GPC6: variants seen among roughly 807,000 people sequenced by gnomAD.
GPC6 encodes glypican 6.
A neutral mutation model predicts 55.2 loss-of-function variants in GPC6; 14 were observed. The ratio of observed to expected loss-of-function variants is 0.25; its 90% confidence interval spans 0.17 to 0.40. The LOEUF is 0.40. Ranked by LOEUF, GPC6 falls within the 10% of genes least tolerant of loss-of-function variation. The pLI, the probability that GPC6 is intolerant of heterozygous loss-of-function variation, is 1.00. For missense variants in GPC6, 641 were observed against 708.5 expected (o/e 0.90, Z 1.08); for synonymous variants, 278 against 259.6 (o/e 1.07, Z -0.68).
chr13:93,720,984 A>G (rs1883436711), intron 2 of GPC6, among the ~76,000 whole-genome samples: 1 of 151,944 alleles, frequency 6.6e-6, no homozygotes, highest in Admixed American at 6.6e-5. Flanking sequence ...ACTTCCAATT[A>G]TGTGGTCAAT....
At chr13:94,396,157 G>A (rs561938194) in intron 7 of GPC6, among the ~76,000 whole-genome samples, 2 of 152,264 alleles carry the variant, frequency 1.3e-5, no homozygotes, top group Non-Finnish European at 2.9e-5. Context: ...GCCCCAGGGC[G>A]CTTCACCTCT....
chr13:93,393,174 T>C (rs1875710830), intron 1 of GPC6, among the ~76,000 whole-genome samples: 1 of 149,278 alleles, frequency 6.7e-6, no homozygotes, highest in Non-Finnish European at 1.5e-5. Context: ...AGTCTCTCAC[T>C]GTCGTCTGGG....
intron 2 of GPC6, among the ~76,000 whole-genome samples, chr13:93,556,626 G>T (rs949385454): frequency 1.3e-5 from 2 of 151,636 alleles, no homozygotes; most frequent in Non-Finnish European, 2.9e-5. Context: ...CAAATAATAG[G>T]TTTTATTTAT....
rs140348562 is a variant in GPC6, at chr13:93,756,091, C to A, written c.320-74063C>A. On this transcript the variant is annotated intron_variant, in intron 2 of 8. Coordinates refer to ENST00000377047, the MANE Select transcript of GPC6 (RefSeq NM_005708.5). ...CTATCTCTATTTCTTTTTTCATTCC[C>A]AGTAAGTTTTAAAGAGGGTAAACTG... 4.4e-3 allele frequency among the ~76,000 whole-genome samples: 672 copies of A among 152,118 alleles called. 7 individuals are homozygous for A. Among genetic ancestry groups the A allele is most frequent in the African/African-American group, 0.015 (627 of 41,504 alleles).
At chr13:94,326,514 G>C (rs1025214492) in intron 6 of GPC6, among the ~76,000 whole-genome samples, 5 of 152,070 alleles carry the variant, frequency 3.3e-5, no homozygotes, top group African/African-American at 9.7e-5. Flanking sequence ...AAACAGGATG[G>C]ATCCTCTTTT....
At chr13:93,437,992 A>G (rs1335315349) in intron 1 of GPC6, among the ~76,000 whole-genome samples, 1 of 152,196 alleles carries the variant, frequency 6.6e-6, no homozygotes, top group Non-Finnish European at 1.5e-5. Context: ...TCCTAGGGCC[A>G]TTAAGAATTA....
intron 1 of GPC6, among the ~76,000 whole-genome samples, chr13:93,393,121 T>G (rs866138556): frequency 1.8e-4 from 14 of 79,918 alleles, no homozygotes; most frequent in African/African-American, 4.1e-4. Flanking sequence ...TATATATATA[T>G]ATATATAGAG....
At chr13:93,315,408 T>TAAA (rs1432456354) in intron 1 of GPC6, among the ~76,000 whole-genome samples, 5 of 151,994 alleles carry the variant, frequency 3.3e-5, no homozygotes, top group African/African-American at 1.2e-4. Context: ...AAATACTCTT[T>TAAA]AATCATCCCA....
chr13:94,148,788 A>G (rs1887643019), intron 4 of GPC6, among the ~76,000 whole-genome samples: 1 of 152,178 alleles, frequency 6.6e-6, no homozygotes, highest in Middle Eastern at 3.2e-3. Flanking sequence ...ACAAGTTGTC[A>G]ATGAGATTAG....
intron 1 of GPC6, among the ~76,000 whole-genome samples, chr13:93,277,047 A>G (rs2139062138): frequency 6.6e-6 from 1 of 152,284 alleles, no homozygotes; most frequent in Non-Finnish European, 1.5e-5. Context: ...CTTTGGGAGA[A>G]AGGGAACCCC....
chr13:94,270,655 T>G (rs1891962659), intron 4 of GPC6, among the ~76,000 whole-genome samples: 1 of 152,230 alleles, frequency 6.6e-6, no homozygotes, highest in Non-Finnish European at 1.5e-5. Context: ...ATTTGAAGTT[T>G]TAAAAATCTA....
At chr13:93,955,397 A>G (rs1260204943) in intron 3 of GPC6, among the ~76,000 whole-genome samples, 1 of 151,956 alleles carries the variant, frequency 6.6e-6, no homozygotes, top group Non-Finnish European at 1.5e-5. Context: ...ACCAGCTTCA[A>G]AGAAAACAGA....
chr13:93,538,627 G>A (rs1882159720), intron 1 of GPC6, among the ~76,000 whole-genome samples: 1 of 152,270 alleles, frequency 6.6e-6, no homozygotes, highest in South Asian at 2.1e-4. Flanking sequence ...AAGTGGGAGG[G>A]CTTCCGCCAT....
chr13:94,394,390 G>A (rs1016089377), intron 7 of GPC6, among the ~76,000 whole-genome samples: 6 of 152,168 alleles, frequency 3.9e-5, no homozygotes, highest in African/African-American at 1.4e-4. Context: ...CTTGGAACAT[G>A]GGCTCTCTGT....
chr13:93,889,316 G>T lies in GPC6; in HGVS notation c.711+58771G>T, dbSNP rs151219015. 2.7e-3 allele frequency among the ~76,000 whole-genome samples: 404 copies of T among 152,088 alleles called. 3 individuals carry two copies. The highest frequency in any genetic ancestry group is 9.0e-3 in the African/African-American group (374 of 41,528). On this transcript the variant is annotated intron_variant, in intron 3 of 8. Transcript: ENST00000377047. ...GTATATATAGTTTTTTTCCCCAAAC[G>T]ATTTTAATGTATAACCTCTGGCTTA...
chr13:93,557,447 A>C (rs1418893096), intron 2 of GPC6, among the ~76,000 whole-genome samples: 1 of 152,228 alleles, frequency 6.6e-6, no homozygotes. Context: ...TCCATTAAGT[A>C]ATGATTTAAG....
At chr13:94,247,219 T>A (rs1479314648) in intron 4 of GPC6, among the ~76,000 whole-genome samples, 2 of 152,176 alleles carry the variant, frequency 1.3e-5, no homozygotes, top group Non-Finnish European at 2.9e-5. Context: ...TTGACTGAAT[T>A]AATTTATTAG....
chr13:93,281,955 A>G (rs1877965116), intron 1 of GPC6, among the ~76,000 whole-genome samples: 1 of 152,206 alleles, frequency 6.6e-6, no homozygotes, highest in East Asian at 1.9e-4. Flanking sequence ...TTATTTCTTG[A>G]CGCTGATGGA....
At chr13:94,326,504 A>C (rs1241257591) in intron 6 of GPC6, among the ~76,000 whole-genome samples, 1 of 152,206 alleles carries the variant, frequency 6.6e-6, no homozygotes, top group African/African-American at 2.4e-5. Context: ...CCACTTTCAC[A>C]AACAGGATGG....
Sources: allele counts gnomAD v4.1 joint callset (sites outside exome capture counted in the v4.1 genomes callset), GRCh38; gene constraint gnomAD v4.1.1; transcripts MANE v1.5; gene names NCBI Gene and HGNC (gene_info 2026-07-23, HGNC 2026-07-21).